PLEKHA8: variants seen among roughly 807,000 people sequenced by gnomAD.
PLEKHA8 encodes the protein pleckstrin homology domain-containing family A member 8.
PLEKHA8 carries 36 observed loss-of-function variants against 68.2 expected under a neutral mutation model. The observed-to-expected ratio is 0.53, with a 90% CI of 0.40 to 0.70. PLEKHA8 has a LOEUF of 0.70. Among genes scored for constraint, PLEKHA8 ranks in the 30% least tolerant of loss-of-function variants. The pLI is 0.00. For synonymous variants in PLEKHA8, 211 were observed against 216.1 expected, an observed-to-expected ratio of 0.98 and a Z score of 0.20; for missense variants, 505 against 615.4, an observed-to-expected ratio of 0.82 and a Z score of 1.90.
At chr7:30,090,219 A>G in exon 13 of PLEKHA8, 1 of 1,544,582 alleles carries the variant, frequency 6.5e-7, no homozygotes, top group Non-Finnish European at 8.7e-7. Flanking sequence ...TCAAGAATGA[A>G]GAAAGAATTC....
intron 13 of PLEKHA8, among the ~76,000 whole-genome samples, chr7:30,078,358 A>C (rs1794742424): frequency 1.3e-5 from 2 of 152,194 alleles, no homozygotes; most frequent in Non-Finnish European, 2.9e-5. Flanking sequence ...ATTTATCCTT[A>C]AGGTGGCCCA....
Position 30,074,099 on chromosome 7 carries a change from A to G in PLEKHA8, c.1329A>G (p.Gln443=). The G allele has an allele frequency of 6.2e-7, 1 of 1,613,216 alleles. No individual in the cohort carries two copies. Among genetic ancestry groups the G allele is most frequent in the Middle Eastern group, 1.6e-4 (1 of 6,062 alleles). The part of the protein sequence containing the change: ...LNNAYGKTLR[Q]HHGWVVRGVF... The stretch of plus-strand genomic sequence containing the variant: ...ATGCATATGGTAAAACATTGCGGCA[A>G]CACCATGGCTGGGTAGTTCGAGGGG... The change falls in exon 13 of 14, where the codon CAA becomes CAG. Residue 443 remains glutamine, a synonymous_variant. Transcript: ENST00000449726.
intron 1 of PLEKHA8, among the ~76,000 whole-genome samples, chr7:30,040,477 G>A (rs1791446320): frequency 2.0e-5 from 3 of 152,164 alleles, no homozygotes; most frequent in Admixed American, 2.0e-4. Flanking sequence ...AAAAGTCCCA[G>A]AATTGTCTCC....
At position 30,098,112 on chromosome 7, in the gene PLEKHA8, G is replaced by T. The variant is rs569456268; in HGVS notation, c.1362+23980G>T. Among the ~76,000 whole-genome samples, 400 of 152,346 alleles carry T rather than the reference G, an allele frequency of 2.6e-3. 2 individuals are homozygous for T. The highest frequency in any genetic ancestry group is 9.4e-3 in the African/African-American group (391 of 41,570). On this transcript the variant is annotated intron_variant, in intron 13 of 13. Coordinates refer to the PLEKHA8 transcript ENST00000396257. ...TCCACTCCAGACCCTGTTTGCCTGG[G>T]TATCAGCAGCGGTGGCTGCAGAACT... is the stretch of plus-strand genomic sequence containing the variant.
Position 30,049,276 on chromosome 7 carries a change from A to G in PLEKHA8, c.491A>G (p.Lys164Arg). The stretch of plus-strand genomic sequence containing the variant: ...AAATCAACCTGTAATACTTTTCTGA[A>G]GACCTTGGAAGAATGCATGCAGATC... ...LLKSTCNTFLKTLEECMQIAN... is the reference protein window; with the variant it reads ...LLKSTCNTFLRTLEECMQIAN... Residue 164 changes from lysine to arginine, a missense_variant, in exon 5 of 14, where the codon AAG (lysine) becomes AGG (arginine). Lys to Arg is a conservative substitution (Grantham distance 26). Transcript: ENST00000449726. The G allele has an allele frequency of 6.2e-7, 1 of 1,614,032 alleles. No individual in the cohort carries two copies. Among genetic ancestry groups the G allele is most frequent in the Non-Finnish European group, 8.5e-7 (1 of 1,180,014 alleles).
Position 30,028,415 on chromosome 7 carries a change from G to C in PLEKHA8, c.-348G>C. 4.2e-6 allele frequency: 1 copy of C among 236,064 alleles called. No individual in the cohort carries two copies. Among genetic ancestry groups the C allele is most frequent in the Non-Finnish European group, 8.2e-6 (1 of 122,152 alleles). 14.6% of individuals were successfully genotyped at this position (236,064 alleles called of 1,614,324 possible). A position where few individuals can be genotyped will look rare whatever the true frequency, so the allele number is the denominator to read the frequency against. On this transcript the variant is annotated 5_prime_UTR_variant, in exon 1 of 14. Transcript: ENST00000449726. Reference sequence around the variant, plus strand: ...CCGGCGAGTCGAGGGTTCAGGTGGTGCGCCGTGGCGCCGCCTGCGACCGGC... The same window carrying C: ...CCGGCGAGTCGAGGGTTCAGGTGGTCCGCCGTGGCGCCGCCTGCGACCGGC...
chr7:30,050,596 A>T, intron 6 of PLEKHA8, 122 bp downstream of exon 6: 1 of 1,272,160 alleles, frequency 7.9e-7, no homozygotes, highest in Non-Finnish European at 1.0e-6. Context: ...ATAATATGGA[A>T]GTAAACAATA....
chr7:30,090,117 G>A, intron 12 of PLEKHA8: 1 of 1,528,680 alleles, frequency 6.5e-7, no homozygotes. Context: ...AATGAAGGAA[G>A]GAATCTTTAG....
intron 1 of PLEKHA8, among the ~76,000 whole-genome samples, chr7:30,032,650 C>G (rs898797479): frequency 6.6e-6 from 1 of 152,124 alleles, no homozygotes; most frequent in Non-Finnish European, 1.5e-5. Flanking sequence ...TCATAATGTA[C>G]CTATATTTAA....
chr7:30,105,597 A>C (rs1796026153), intron 13 of PLEKHA8, among the ~76,000 whole-genome samples: 1 of 152,250 alleles, frequency 6.6e-6, no homozygotes, highest in Non-Finnish European at 1.5e-5. Context: ...AATGCCCACA[A>C]ATCAGAAAAT....
At position 30,079,612 on chromosome 7, in the gene PLEKHA8, T is replaced by G; in HGVS notation, c.*825T>G. On this transcript the variant is annotated 3_prime_UTR_variant, in exon 14 of 14. Coordinates refer to ENST00000449726, the MANE Select transcript of PLEKHA8 (RefSeq NM_001197026.2). ...CACTTCAAAAGCAAGGTTTAGAAGT[T>G]GAGGGATCTGTTCACAGTCACATAG... The G allele has an allele frequency of 1.4e-6, 1 of 703,014 alleles. No homozygotes were observed. The highest frequency in any genetic ancestry group is 1.7e-6 in the Non-Finnish European group (1 of 572,256). 43.5% of individuals were successfully genotyped at this position (703,014 alleles called of 1,614,324 possible). A position where few individuals can be genotyped will look rare whatever the true frequency, so the allele number is the denominator to read the frequency against.
chr7:30,071,608 G>A (rs1324514444), intron 12 of PLEKHA8, among the ~76,000 whole-genome samples: 1 of 152,130 alleles, frequency 6.6e-6, no homozygotes, highest in African/African-American at 2.4e-5. Context: ...TTGAGGACAG[G>A]GAATTGACTG....
chr7:30,077,641 T>C (rs1437821882), intron 13 of PLEKHA8, among the ~76,000 whole-genome samples: 7 of 152,190 alleles, frequency 4.6e-5, no homozygotes, highest in Admixed American at 4.6e-4. Context: ...TTCATCTAAG[T>C]CTGTGCTTTA....
At chr7:30,128,995 A>T (rs1352857979) in intron 13 of PLEKHA8, among the ~76,000 whole-genome samples, 4 of 152,142 alleles carry the variant, frequency 2.6e-5, no homozygotes, top group African/African-American at 9.7e-5. Flanking sequence ...CACCCCCATG[A>T]CCCAAACACC....
chr7:30,074,959 A>G (rs891146659), intron 13 of PLEKHA8: 1 of 152,142 alleles, frequency 6.6e-6, no homozygotes, highest in African/African-American at 2.4e-5. Context: ...ACACTCTGTG[A>G]TTCTTCCCAT....
intron 7 of PLEKHA8, among the ~76,000 whole-genome samples, chr7:30,054,372 T>C (rs964409900): frequency 2.6e-5 from 4 of 152,222 alleles, no homozygotes; most frequent in African/African-American, 9.6e-5. Context: ...TAATGAGTAG[T>C]GATTGTATTT....
chr7:30,115,218 G>A (rs1796389956), intron 13 of PLEKHA8, among the ~76,000 whole-genome samples: 1 of 152,026 alleles, frequency 6.6e-6, no homozygotes, highest in Non-Finnish European at 1.5e-5. Flanking sequence ...TTTTCAGACT[G>A]TTTCCCCACA....
chr7:30,097,536 T>G (rs1306121405), intron 13 of PLEKHA8, among the ~76,000 whole-genome samples: 1 of 152,220 alleles, frequency 6.6e-6, no homozygotes, highest in Non-Finnish European at 1.5e-5. Flanking sequence ...CTTTTTATTC[T>G]TTTTTCTCTA....
chr7:30,048,241 G>A (rs911413170), intron 4 of PLEKHA8, among the ~76,000 whole-genome samples: 1 of 152,074 alleles, frequency 6.6e-6, no homozygotes, highest in Non-Finnish European at 1.5e-5. Flanking sequence ...ATAAATTAGG[G>A]ATTAATTAAT....
Sources: allele counts gnomAD v4.1 joint callset (sites outside exome capture counted in the v4.1 genomes callset), GRCh38; gene constraint gnomAD v4.1.1; transcripts MANE v1.5; gene names NCBI Gene and HGNC (gene_info 2026-07-23, HGNC 2026-07-21).